VRK3: variants seen among roughly 807,000 people sequenced by gnomAD.
VRK3 encodes serine/threonine-protein kinase VRK3.
A neutral mutation model predicts 60.4 loss-of-function variants in VRK3; 50 were observed. The ratio of observed to expected loss-of-function variants is 0.83; its 90% CI spans 0.66 to 1.05. The LOEUF is 1.05. Ranked by LOEUF, VRK3 falls within the 50% of genes least tolerant of loss-of-function variation. The probability of loss-of-function intolerance (pLI) is 0.00; values close to 1 mark genes in which losing one functional copy is unlikely to be tolerated. For missense variants in VRK3, 549 were observed against 585.3 expected, an observed-to-expected ratio of 0.94 and a Z score of 0.64; for synonymous variants, 246 against 227.8, an observed-to-expected ratio of 1.08 and a Z score of -0.72.
In VRK3 at chr19:49,995,189, A is replaced by G. The variant is rs2076680463; in HGVS notation, c.764+2T>C. 2 of 1,613,726 alleles carry G rather than the reference A, an allele frequency of 1.2e-6. No homozygotes were observed. The highest frequency in any genetic ancestry group is 1.7e-6 in the Non-Finnish European group (2 of 1,179,784). On this transcript the variant is annotated splice_donor_variant, in intron 8 of 14. Coordinates refer to ENST00000316763, the MANE Select transcript of VRK3 (RefSeq NM_016440.4). LOFTEE classifies it high-confidence loss of function. ...AGGCAAGCAGTGAGCAGAGCAGCTC[A>G]CCTGTATTTGTCCTGGTGAACACCG...
chr19:49,993,011 T>G (rs532827083), intron 9 of VRK3, 59 bp from the exon 10 acceptor site: 2 of 1,456,728 alleles, frequency 1.4e-6, no homozygotes, highest in African/African-American at 4.2e-5. Flanking sequence ...AGAGAGGCTA[T>G]GGTGCAGACC....
chr19:49,989,491 G>C, intron 11 of VRK3, 148 bp downstream of exon 11: 1 of 1,130,290 alleles, frequency 8.8e-7, no homozygotes, highest in East Asian at 2.8e-5. Flanking sequence ...CTTGCGGTCG[G>C]GACGCTGTCT....
chr19:49,986,394 CG>C (rs1568776496), intron 12 of VRK3: 1 of 153,146 alleles, frequency 6.5e-6, no homozygotes, highest in East Asian at 1.9e-4. Context: ...ATTTAGAAGC[CG>C]GAGTCAGAAG....
intron 11 of VRK3, 112 bp downstream of exon 11, chr19:49,989,527 C>A: frequency 1.4e-6 from 2 of 1,404,582 alleles, no homozygotes; most frequent in Non-Finnish European, 1.9e-6. Flanking sequence ...GTCCTGGCGC[C>A]CTTAGTGCCT....
chr19:49,996,612 G>A (rs931722279), intron 7 of VRK3, among the ~76,000 whole-genome samples: 7 of 152,148 alleles, frequency 4.6e-5, no homozygotes, highest in Admixed American at 3.9e-4. Context: ...GTAAAATTAT[G>A]TAACTTATTT....
chr19:49,982,434 C>T (rs781586892), intron 12 of VRK3, among the ~76,000 whole-genome samples: 22 of 152,160 alleles, frequency 1.4e-4, no homozygotes, highest in African/African-American at 4.8e-4. Context: ...TGAGCCACCA[C>T]GCCTGGCTGA....
At chr19:50,011,507 C>T (rs1275479540) in intron 3 of VRK3, among the ~76,000 whole-genome samples, 1 of 152,206 alleles carries the variant, frequency 6.6e-6, no homozygotes, top group Non-Finnish European at 1.5e-5. Flanking sequence ...AGAGAAGCCA[C>T]AGAAATCTTT....
rs778307659 is a variant in VRK3, at chr19:49,989,781, C to A, written c.964-10G>T. Reference sequence around the variant, plus strand: ...AGCCTGCCAAAGTCACCTGTGGACACAGGGAAAAGCCATACAGATTGGAGG... The same window carrying A: ...AGCCTGCCAAAGTCACCTGTGGACAAAGGGAAAAGCCATACAGATTGGAGG... On this transcript the variant is annotated splice_polypyrimidine_tract_variant and intron_variant, in intron 10 of 14. Coordinates refer to ENST00000316763, the MANE Select transcript of VRK3 (RefSeq NM_016440.4). The A allele has an allele frequency of 6.2e-7, 1 of 1,606,338 alleles. No individual in the cohort carries two copies. Among genetic ancestry groups the A allele is most frequent in the Non-Finnish European group, 8.5e-7 (1 of 1,174,618 alleles).
intron 12 of VRK3, among the ~76,000 whole-genome samples, chr19:49,982,994 CTCTG>C (rs2076449745): frequency 6.6e-6 from 1 of 152,138 alleles, no homozygotes; most frequent in African/African-American, 2.4e-5. Flanking sequence ...CCATGTCCTC[CTCTG>C]CCCCATGGAT....
At chr19:50,002,956 C>A (rs2076833951) in intron 5 of VRK3, among the ~76,000 whole-genome samples, 1 of 152,226 alleles carries the variant, frequency 6.6e-6, no homozygotes, top group Admixed American at 6.5e-5. Flanking sequence ...CCCATCCTGA[C>A]CCTAACACCA....
At chr19:49,992,151 T>C (rs2076622543) in intron 10 of VRK3, among the ~76,000 whole-genome samples, 1 of 152,162 alleles carries the variant, frequency 6.6e-6, no homozygotes, top group East Asian at 1.9e-4. Context: ...CTCAGGCCTG[T>C]AATCCCAGCA....
chr19:50,004,205 G>C, intron 5 of VRK3, among the ~76,000 whole-genome samples: 1 of 152,112 alleles, frequency 6.6e-6, no homozygotes, highest in East Asian at 1.9e-4. Context: ...TTCTGGGGGA[G>C]GTCAAGCGTG....
Position 49,978,972 on chromosome 19 carries a change from G to A in VRK3, c.*11+111C>T, listed in dbSNP as rs947339252. 7.7e-6 allele frequency: 9 copies of A among 1,174,610 alleles called. No homozygotes were observed. The Admixed American group carries it at 1.5e-4, about 19-fold the overall frequency. The allele number at this position is 1,174,610 out of a possible 1,614,324, so 72.8% of individuals were successfully genotyped here. On this transcript the variant is annotated intron_variant, in intron 14 of 14. Transcript: ENST00000316763. ...AAACCCAGTGTCTCCCTGGGAAGCT[G>A]GGCCCTGGTATGAACGTGGAACAGC...
Position 49,989,653 on chromosome 19 carries a change from A to G in VRK3, c.1082T>C (p.Leu361Pro), listed in dbSNP as rs1207910555. The G allele has an allele frequency of 1.2e-6, 2 of 1,611,998 alleles. No homozygotes were observed. Among genetic ancestry groups the G allele is most frequent in the African/African-American group, 1.3e-5 (1 of 75,014 alleles). The change falls in exon 11 of 15, where the codon CTG becomes CCG. Residue 361 changes from leucine (L) to proline (P), a missense_variant. Leu to Pro is a moderately conservative substitution (Grantham distance 98). Coordinates refer to ENST00000316763, the MANE Select transcript of VRK3 (RefSeq NM_016440.4). ...TGGCCTCGTACCGCATCCCTTGTGC[A>G]GGTCCATGCTAATGAACTCAAGGTC... Reference protein sequence around the residue: ...EGDLEFISMDLHKGCGPSRRS... With the variant: ...EGDLEFISMDPHKGCGPSRRS...
At chr19:50,001,466 G>C (rs554953857) in intron 5 of VRK3, 1 of 152,454 alleles carries the variant, frequency 6.6e-6, no homozygotes, top group South Asian at 2.1e-4. Flanking sequence ...GGCCCAACAC[G>C]GACGCACGCT....
chr19:50,007,924 T>G, intron 4 of VRK3, 98 bp from the exon 5 acceptor site: 1 of 1,523,600 alleles, frequency 6.6e-7, no homozygotes, highest in Non-Finnish European at 8.9e-7. Context: ...CTTTACAAAT[T>G]CGTTCATTCA....
At chr19:50,009,120 C>G (rs2076952338) in intron 4 of VRK3, 116 bp downstream of exon 4, 1 of 1,255,660 alleles carries the variant, frequency 8.0e-7, no homozygotes, top group African/African-American at 1.5e-5. Context: ...GAGTCAGAGT[C>G]CAGGCAGGGA....
intron 1 of VRK3, among the ~76,000 whole-genome samples, chr19:50,023,566 TCTGA>T (rs1467408291): frequency 6.6e-6 from 1 of 152,260 alleles, no homozygotes; most frequent in Non-Finnish European, 1.5e-5. Context: ...CCTGACATAC[TCTGA>T]CTTACTAGAA....
Position 50,016,026 on chromosome 19 carries a change from T to C in VRK3, c.137A>G (p.Gln46Arg), listed in dbSNP as rs2077070397. The C allele has an allele frequency of 6.2e-7, 1 of 1,614,090 alleles. No homozygotes were observed. The highest frequency in any genetic ancestry group is 1.7e-5 in the Admixed American group (1 of 60,010). ...TFVNPHVSSF[Q>R]GSKRGLNSSF... ...AGGCTCAATGCTCTGGTTCTTACCT[T>C]GGAAGGATGACACATGTGGATTGAC... The change falls in exon 3 of 15, where the codon CAA becomes CGA. Residue 46 changes from glutamine to arginine, a missense_variant and splice_region_variant. By Grantham distance (43) the Gln-to-Arg change is conservative. Coordinates refer to ENST00000316763, the MANE Select transcript of VRK3 (RefSeq NM_016440.4).
Sources: gnomAD v4.1 joint callset for allele counts (sites outside exome capture counted in the v4.1 genomes callset) on GRCh38, gnomAD v4.1.1 for gene constraint, MANE v1.5 for transcripts, NCBI Gene and HGNC (gene_info 2026-07-23, HGNC 2026-07-21) for gene names.